WDR1: variants seen among roughly 807,000 people sequenced by gnomAD.
The protein encoded by WDR1 is WD repeat domain 1, also known as WD repeat-containing protein 1.
Under a neutral mutation model 71.9 loss-of-function variants are expected in WDR1, and 21 were observed. That is an observed-to-expected ratio of 0.29 (90% confidence interval 0.21 to 0.42). The LOEUF (loss-of-function observed/expected upper bound fraction) is 0.42, where lower values mean the gene tolerates loss of function less well. Among genes scored for constraint, WDR1 ranks in the 10% least tolerant of loss-of-function variants. WDR1 has a pLI of 1.00. For synonymous variants in WDR1, 424 were observed against 347.4 expected (o/e 1.22, Z -2.45); for missense variants, 696 against 824.5 (o/e 0.84, Z 1.91).
rs150960632 is a variant in WDR1 at position 10,079,469 on chromosome 4, G to A, written c.1285-468C>T. Among the ~76,000 whole-genome samples, 883 of 152,328 alleles carry A rather than the reference G, an allele frequency of 5.8e-3. 3 individuals are homozygous for A. The highest frequency in any genetic ancestry group is 0.02 in the Middle Eastern group (6 of 294). ...ATGGGGTACGGTGCTTATGCTGCAC[G>A]CCCAAGGCTCCAGTTCCCACAGGCT... On this transcript the variant is annotated intron_variant, in intron 11 of 14. Transcript: ENST00000499869.
intron 3 of WDR1, 120 bp downstream of exon 3, chr4:10,103,776 T>TGCCCCCCCCCCCCCCC: frequency 5.6e-6 from 1 of 180,008 alleles, no homozygotes. Flanking sequence ...CCCAGCCTGC[T>TGCCCCCCCCCCCCCCC]CCCCCACCCC....
In WDR1 at chr4:10,116,704, C is replaced by A; in HGVS notation, c.-38G>T. The A allele has an allele frequency of 3.0e-6, 4 of 1,340,166 alleles. No individual in the cohort carries two copies. Among genetic ancestry groups the A allele is most frequent in the East Asian group, 3.2e-5 (1 of 31,284 alleles). The allele number at this position is 1,340,166 out of a possible 1,614,324, so 83.0% of individuals were successfully genotyped here. A position where few individuals can be genotyped will look rare whatever the true frequency, so the allele number is the denominator to read the frequency against. On this transcript the variant is annotated 5_prime_UTR_variant, in exon 1 of 15. Coordinates refer to ENST00000499869, the MANE Select transcript of WDR1 (RefSeq NM_017491.5). ...GTTACCGCGCCGCGCTCGCCGAGAG[C>A]CTCCGGGGCCGGCCCGCGCTGCGAA...
In WDR1 at chr4:10,104,006, A is replaced by C; in HGVS notation, c.139-20T>G. ...TGGGTTCTGCAGGAGGAGACCCCGG[A>C]ATGAACAGAAGGAATGGAGAAGCAG... On this transcript the variant is annotated intron_variant, in intron 2 of 14. Coordinates refer to ENST00000499869, the MANE Select transcript of WDR1 (RefSeq NM_017491.5). The C allele has an allele frequency of 1.3e-6, 2 of 1,578,296 alleles. No individual in the cohort carries two copies. The highest frequency in any genetic ancestry group is 1.7e-6 in the Non-Finnish European group (2 of 1,161,796).
At chr4:10,115,816 A>C in intron 2 of WDR1, 1 of 339,690 alleles carries the variant, frequency 2.9e-6, no homozygotes. Flanking sequence ...CGTACTAACC[A>C]GGCCTGACCG....
At chr4:10,102,582 ACTGCCCAG>A (rs1712742062) in intron 3 of WDR1, among the ~76,000 whole-genome samples, 1 of 152,208 alleles carries the variant, frequency 6.6e-6, no homozygotes, top group African/African-American at 2.4e-5. Flanking sequence ...CTGCTGTCCA[ACTGCCCAG>A]CCCCAAGAAC....
At chr4:10,116,027 G>T (rs1317862692) in intron 2 of WDR1, 86 bp downstream of exon 2, 2 of 1,529,466 alleles carry the variant, frequency 1.3e-6, no homozygotes, top group Non-Finnish European at 8.9e-7. Flanking sequence ...CCAATGGGCA[G>T]GAGGTGAGAA....
intron 3 of WDR1, among the ~76,000 whole-genome samples, chr4:10,103,495 G>T (rs1408449493): frequency 1.3e-5 from 2 of 152,046 alleles, no homozygotes; most frequent in Non-Finnish European, 2.9e-5. Context: ...GGGCATTTTG[G>T]TAGCTTACAC....
At position 10,081,442 on chromosome 4, in the gene WDR1, C is replaced by T. The variant is rs1308676371; in HGVS notation, c.1199G>A (p.Gly400Glu). ...YTSLMLRDYS[G>E]QGVVKLDVQP... ...AACGTCCAGTTTCACAACTCCTTGT[C>T]CGCTGTTAGAGAGAAAGGAAGCACA... The change falls in exon 11 of 15, where the codon GGA becomes GAA. Residue 400 changes from glycine (G) to glutamate (E), a missense_variant and splice_region_variant. Physicochemically the swap from Gly to Glu is moderately conservative, Grantham distance 98. Transcript: ENST00000499869. 6.2e-7 allele frequency: 1 copy of T among 1,613,782 alleles called. No individual in the cohort carries two copies. Among genetic ancestry groups the T allele is most frequent in the East Asian group, 2.2e-5 (1 of 44,868 alleles).
chr4:10,103,771 C>CAA, intron 3 of WDR1, 125 bp downstream of exon 3: 1 of 415,354 alleles, frequency 2.4e-6, no homozygotes, highest in Non-Finnish European at 4.4e-6. Context: ...CCACCCCCAG[C>CAA]CTGCTCCCCC....
intron 1 of WDR1, 176 bp from the exon 2 acceptor site, chr4:10,116,410 C>T (rs1242898358): frequency 9.6e-7 from 1 of 1,042,322 alleles, no homozygotes; most frequent in Non-Finnish European, 1.3e-6. Context: ...GCGCCCCGGG[C>T]CAGGCCCTTG....
chr4:10,109,928 T>C (rs948059922), intron 2 of WDR1, among the ~76,000 whole-genome samples: 14 of 152,210 alleles, frequency 9.2e-5, no homozygotes, highest in African/African-American at 3.4e-4. Context: ...GCTTTACGAA[T>C]TAGCTCCGTT....
At chr4:10,112,447 C>G (rs1222372429) in intron 2 of WDR1, among the ~76,000 whole-genome samples, 1 of 152,166 alleles carries the variant, frequency 6.6e-6, no homozygotes, top group African/African-American at 2.4e-5. Flanking sequence ...ACATGGCCAC[C>G]ATTATAGTCT....
At chr4:10,081,665 G>GT (rs1443293433) in intron 10 of WDR1, among the ~76,000 whole-genome samples, 10 of 63,982 alleles carry the variant, frequency 1.6e-4, no homozygotes, top group Non-Finnish European at 3.3e-4. Flanking sequence ...GGGAGGGGTG[G>GT]GGGGGGGGGA....
rs75749211 is a variant in WDR1 at position 10,082,053 on chromosome 4, G to T, written c.1197-609C>A. Among the ~76,000 whole-genome samples, 90 of 152,358 alleles carry T rather than the reference G, an allele frequency of 5.9e-4. 2 individuals are homozygous for T. The East Asian group carries it at 0.015, about 26-fold the overall frequency. On this transcript the variant is annotated intron_variant, in intron 10 of 14. Coordinates refer to ENST00000499869, the MANE Select transcript of WDR1 (RefSeq NM_017491.5). ...CCAAGGCTGGCTCTGTAAGGGCCTTGCCTTGGGTTATCTGGCCCAGGGAAG... is the reference window on the plus strand; with the variant it reads ...CCAAGGCTGGCTCTGTAAGGGCCTTTCCTTGGGTTATCTGGCCCAGGGAAG...
At chr4:10,098,271 C>G (rs1272517128) in intron 4 of WDR1, among the ~76,000 whole-genome samples, 3 of 152,162 alleles carry the variant, frequency 2.0e-5, no homozygotes, top group African/African-American at 7.2e-5. Context: ...TGACATTCAA[C>G]AAAAACACTG....
chr4:10,099,180 T>TGGGGGGGGGGGGGGGGGG, intron 3 of WDR1, 41 bp from the exon 4 acceptor site: 1 of 173,728 alleles, frequency 5.8e-6, no homozygotes, highest in Non-Finnish European at 1.1e-5. Flanking sequence ...GAGGCGGTGG[T>TGGGGGGGGGGGGGGGGGG]GGGGTAAAGG....
At position 10,116,128 on chromosome 4, in the gene WDR1, G is replaced by A. The variant is rs757990610; in HGVS notation, c.123C>T (p.Ile41=). Residue 41 remains isoleucine (I), a synonymous_variant, in exon 2 of 15, where the codon ATC becomes ATT. Transcript: ENST00000499869. ...GGGTACTCACGTCGATGTTCCTTAG[G>A]ATGACGCACTTTCCATTGGTGTACA... ...NFLYTNGKCV[I]LRNIDNPALA... is the part of the protein sequence containing the mutation. 2.5e-6 allele frequency: 4 copies of A among 1,613,644 alleles called. No homozygotes were observed. The South Asian group carries it at 3.3e-5, about 13-fold the overall frequency.
At chr4:10,105,358 C>G (rs1483306382) in intron 2 of WDR1, among the ~76,000 whole-genome samples, 3 of 152,236 alleles carry the variant, frequency 2.0e-5, no homozygotes, top group African/African-American at 4.8e-5. Context: ...TACACACAGA[C>G]CTTCTCTTTC....
At chr4:10,076,551 C>T (rs545949169) in intron 14 of WDR1, 7 of 152,274 alleles carry the variant, frequency 4.6e-5, no homozygotes, top group African/African-American at 7.2e-5. Context: ...TAAACCAGGA[C>T]GGACGTTGAA....
Sources: gnomAD v4.1 joint callset for allele counts (sites outside exome capture counted in the v4.1 genomes callset) on GRCh38, gnomAD v4.1.1 for gene constraint, MANE v1.5 for transcripts, NCBI Gene and HGNC (gene_info 2026-07-23, HGNC 2026-07-21) for gene names.